Variants in KLHL13 observed in about 807,000 individuals in gnomAD.
The protein encoded by KLHL13 is kelch-like protein 13.
A neutral mutation model predicts 37.1 loss-of-function variants in KLHL13; 10 were observed. That is an observed-to-expected ratio of 0.27 (90% CI 0.17 to 0.46). The LOEUF is 0.46. Ranked by LOEUF, KLHL13 falls within the 20% of genes least tolerant of loss-of-function variation. The probability of loss-of-function intolerance (pLI) is 1.00; values close to 1 mark genes in which losing one functional copy is unlikely to be tolerated. For missense variants in KLHL13, 360 were observed against 509.3 expected (o/e 0.71, Z 2.82); for synonymous variants, 163 against 181.2 (o/e 0.90, Z 0.81).
At chrX:118,095,809 T>A (rs1174398587) in intron 1 of KLHL13, among the ~76,000 whole-genome samples, 1 of 111,828 alleles carries the variant, frequency 8.9e-6, no homozygotes, top group Admixed American at 9.5e-5. Flanking sequence ...CATAATGAAA[T>A]GAAGGCAGAA....
intron 1 of KLHL13, among the ~76,000 whole-genome samples, chrX:118,000,728 G>A (rs1221131808): frequency 1.8e-5 from 2 of 111,943 alleles, no homozygotes; most frequent in Non-Finnish European, 3.8e-5. Context: ...TCATCTGGCA[G>A]TCAAGCTTGA....
chrX:117,966,553 A>G (rs1414786158), intron 1 of KLHL13, among the ~76,000 whole-genome samples: 3 of 111,577 alleles, frequency 2.7e-5, no homozygotes, highest in African/African-American at 9.8e-5. Context: ...GAATGGGAAA[A>G]AACTACTTTA....
intron 5 of KLHL13, among the ~76,000 whole-genome samples, chrX:117,905,885 T>C (rs1930489568): frequency 9.0e-6 from 1 of 111,658 alleles, no homozygotes; most frequent in African/African-American, 3.3e-5. Flanking sequence ...CCTGCTGTGC[T>C]ATCAAATACT....
At chrX:117,982,165 G>A (rs750837957) in intron 1 of KLHL13, among the ~76,000 whole-genome samples, 1 of 109,095 alleles carries the variant, frequency 9.2e-6, no homozygotes, top group African/African-American at 3.3e-5. Context: ...ATACACATAG[G>A]AAACACAAAT....
intron 1 of KLHL13, among the ~76,000 whole-genome samples, chrX:118,025,545 T>G (rs1046919745): frequency 6.3e-5 from 7 of 110,941 alleles, no homozygotes; most frequent in Non-Finnish European, 1.1e-4. Context: ...CTTATTTAAC[T>G]TAATAATGGC....
At chrX:117,974,444 G>A (rs190199682), upstream of KLHL13, among the ~76,000 whole-genome samples, 1 of 112,031 alleles carries the variant, frequency 8.9e-6, no homozygotes, top group African/African-American at 3.2e-5. Context: ...GTTAGCGTTC[G>A]AATATTCTTT....
At position 117,959,642 on chromosome X, in the gene KLHL13, C is replaced by T. The variant is rs139886564; in HGVS notation, c.98+13089G>A. The stretch of plus-strand genomic sequence containing the variant: ...GAAAAGTGATCAAGCATTAATATCA[C>T]ATTCTCTTTCAAGGTAAATGGTATG... On this transcript the variant is annotated intron_variant, in intron 1 of 6. Transcript: ENST00000262820. Among the ~76,000 whole-genome samples, 1,030 of 112,021 alleles carry T rather than the reference C, an allele frequency of 9.2e-3. 17 individuals carry two copies. The highest frequency in any genetic ancestry group is 0.031 in the African/African-American group (952 of 30,880).
intron 1 of KLHL13, among the ~76,000 whole-genome samples, chrX:118,033,808 G>C (rs1362601787): frequency 9.1e-6 from 1 of 109,910 alleles, no homozygotes; most frequent in Non-Finnish European, 1.9e-5. Flanking sequence ...ATTGGATAAA[G>C]AGTCAAGACC....
chrX:118,098,626 G>T (rs754443814), intron 1 of KLHL13, among the ~76,000 whole-genome samples: 1 of 107,628 alleles, frequency 9.3e-6, no homozygotes, highest in Non-Finnish European at 1.9e-5. Flanking sequence ...ACATGCACAC[G>T]TATGTTTATA....
At position 118,005,070 on chromosome X, in the gene KLHL13, G is replaced by A. The variant is rs982827160; in HGVS notation, c.-55-59495C>T. ...TTGCAATGCATAATTCTGAAGTTGA[G>A]CTTTCTGCTGTCAATAACACTTTTG... On this transcript the variant is annotated intron_variant, in intron 1 of 6. Transcript: ENST00000371882. 5.4e-5 allele frequency among the ~76,000 whole-genome samples: 6 copies of A among 111,646 alleles called. No individual in the cohort carries two copies. In the Admixed American group the frequency reaches 5.7e-4, roughly 11 times the overall value.
At chrX:117,944,267 T>C (rs755652748) in intron 2 of KLHL13, among the ~76,000 whole-genome samples, 1 of 111,018 alleles carries the variant, frequency 9.0e-6, no homozygotes, top group Non-Finnish European at 1.9e-5. Context: ...AGCTTTAAGA[T>C]GCCAGGAGAT....
chrX:118,058,589 G>A (rs760721312), intron 1 of KLHL13, among the ~76,000 whole-genome samples: 1 of 111,897 alleles, frequency 8.9e-6, no homozygotes, highest in Admixed American at 9.6e-5. Context: ...ATGAATGCTG[G>A]TCATGAATTT....
At chrX:118,032,822 C>G (rs920605940) in intron 1 of KLHL13, among the ~76,000 whole-genome samples, 2 of 111,333 alleles carry the variant, frequency 1.8e-5, no homozygotes, top group Admixed American at 1.9e-4. Flanking sequence ...AAACCAAAGG[C>G]AAGGAAGTTG....
chrX:117,960,512 T>G (rs1010083176), intron 1 of KLHL13, among the ~76,000 whole-genome samples: 4 of 112,199 alleles, frequency 3.6e-5, no homozygotes, highest in Non-Finnish European at 7.5e-5. Flanking sequence ...CCCCTGCACC[T>G]GCCAAACACC....
intron 1 of KLHL13, among the ~76,000 whole-genome samples, chrX:117,959,949 C>T (rs2053264887): frequency 9.0e-6 from 1 of 111,675 alleles, no homozygotes; most frequent in Non-Finnish European, 1.9e-5. Context: ...ATCGCATAAG[C>T]ACAAATTAAG....
At chrX:118,017,544 A>G (rs2054140491) in intron 1 of KLHL13, among the ~76,000 whole-genome samples, 1 of 111,376 alleles carries the variant, frequency 9.0e-6, no homozygotes, top group Non-Finnish European at 1.9e-5. Context: ...TGGTGGTAGT[A>G]GAGTGGAAAT....
intron 1 of KLHL13, among the ~76,000 whole-genome samples, chrX:118,008,873 C>T (rs921933882): frequency 2.7e-5 from 3 of 111,573 alleles, no homozygotes; most frequent in Non-Finnish European, 5.6e-5. Context: ...TGATGAGTAT[C>T]TACTTCATAA....
intron 1 of KLHL13, among the ~76,000 whole-genome samples, chrX:118,023,349 T>C (rs1234123667): frequency 9.0e-6 from 1 of 111,250 alleles, no homozygotes. Context: ...CAAGTTTCTG[T>C]CACTAATCTT....
chrX:117,955,741 T>C (rs2053194864), intron 1 of KLHL13, among the ~76,000 whole-genome samples: 1 of 111,755 alleles, frequency 8.9e-6, no homozygotes, highest in South Asian at 3.8e-4. Context: ...TTATTGTCCC[T>C]TTTCTGCATA....
Sources: allele counts gnomAD v4.1 joint callset (sites outside exome capture counted in the v4.1 genomes callset), GRCh38; gene constraint gnomAD v4.1.1; transcripts MANE v1.5; gene names NCBI Gene and HGNC (gene_info 2026-07-23, HGNC 2026-07-21).